ABCB9: variants seen among roughly 807,000 people sequenced by gnomAD.
ABCB9 encodes ABC-type oligopeptide transporter ABCB9.
A neutral mutation model predicts 62.0 loss-of-function variants in ABCB9; 36 were observed. The ratio of observed to expected loss-of-function variants is 0.58; its 90% confidence interval spans 0.45 to 0.77. The LOEUF is 0.77. Among genes scored for constraint, ABCB9 ranks in the 30% least tolerant of loss-of-function variants. ABCB9 has a pLI of 0.00. For missense variants in ABCB9, 943 were observed against 1,054.7 expected, an observed-to-expected ratio of 0.89 and a Z score of 1.47; for synonymous variants, 435 against 461.4, an observed-to-expected ratio of 0.94 and a Z score of 0.73.
chr12:122,929,159 T>A lies in ABCB9; in HGVS notation c.*752A>T. On this transcript the variant is annotated 3_prime_UTR_variant, in exon 12 of 12. Coordinates refer to ENST00000280560, the MANE Select transcript of ABCB9 (RefSeq NM_019625.4). This position sits in a 1 kb window ranked among gnomAD's most constrained non-coding sequence, Gnocchi z 6.0. ...CCAGACAGCAGAGCACAGGGGCGGG[T>A]GTGGGGAGGGAGGCTGCCAGCCAGG... 3 of 929,436 alleles carry A rather than the reference T, an allele frequency of 3.2e-6. No homozygotes were observed. The highest frequency in any genetic ancestry group is 3.8e-6 in the Non-Finnish European group (3 of 788,408). The allele number at this position is 929,436 out of a possible 1,614,324, so 57.6% of individuals were successfully genotyped here. A position where few individuals can be genotyped will look rare whatever the true frequency, so the allele number is the denominator to read the frequency against.
At chr12:122,938,522 A>C (rs1159200780) in intron 9 of ABCB9, among the ~76,000 whole-genome samples, 1 of 150,818 alleles carries the variant, frequency 6.6e-6, no homozygotes, top group Non-Finnish European at 1.5e-5. Context: ...ACAGAGGGAG[A>C]CCCTTTCTCA....
At chr12:122,927,406 G>A (rs1484567544), downstream of ABCB9, among the ~76,000 whole-genome samples, 1 of 152,094 alleles carries the variant, frequency 6.6e-6, no homozygotes, top group Non-Finnish European at 1.5e-5. Context: ...TCCTGACCTC[G>A]TGATCCACCC....
intron 9 of ABCB9, among the ~76,000 whole-genome samples, chr12:122,938,599 C>T (rs1566163679): frequency 2.0e-5 from 3 of 151,734 alleles, no homozygotes; most frequent in Admixed American, 1.3e-4. Flanking sequence ...GAGGCCGAGG[C>T]GGGTGGATCA....
At chr12:122,928,440 A>G (rs940224864), downstream of ABCB9, among the ~76,000 whole-genome samples, 1 of 151,246 alleles carries the variant, frequency 6.6e-6, no homozygotes, top group African/African-American at 2.4e-5. Context: ...CTGCACTCCA[A>G]TCTGGGTGAC....
chr12:122,931,807 C>T (rs2035183191), intron 11 of ABCB9: 1 of 226,014 alleles, frequency 4.4e-6, no homozygotes, highest in South Asian at 6.4e-5. Context: ...CCACACCTGG[C>T]TAGTTTTTGT....
chr12:122,924,714 C>G (rs553658828), downstream of ABCB9: 1 of 1,531,526 alleles, frequency 6.5e-7, no homozygotes, highest in African/African-American at 1.4e-5. Flanking sequence ...TTCATTCTCT[C>G]TCATCCCTGC....
At chr12:122,951,563 C>T (rs2036369648) in intron 2 of ABCB9, 1 of 152,174 alleles carries the variant, frequency 6.6e-6, no homozygotes. Context: ...GTCCAGGCCA[C>T]ATGGCAATCA....
intron 6 of ABCB9, among the ~76,000 whole-genome samples, chr12:122,945,715 C>A (rs906570995): frequency 6.6e-6 from 1 of 151,738 alleles, no homozygotes; most frequent in Non-Finnish European, 1.5e-5. Context: ...CCGTCTCTAC[C>A]AAAAATACAA....
downstream of ABCB9, chr12:122,924,681 A>T (rs929250440): frequency 2.0e-5 from 30 of 1,517,876 alleles, no homozygotes; most frequent in Non-Finnish European, 2.6e-5. Flanking sequence ...GGACTAAGCC[A>T]GCCCTGGGGT....
chr12:122,923,348 C>T (rs1329305200), intron 11 of ABCB9, among the ~76,000 whole-genome samples: 8 of 152,160 alleles, frequency 5.3e-5, no homozygotes, highest in Non-Finnish European at 8.8e-5. Flanking sequence ...AGTGCAGTGG[C>T]GCGACCTCCA....
rs531385086 is a variant in ABCB9 at position 122,940,562 on chromosome 12, G to A, written c.1569+245C>T. On this transcript the variant is annotated intron_variant, in intron 8 of 11. Transcript: ENST00000280560. This position sits in a 1 kb window ranked among gnomAD's most constrained non-coding sequence, Gnocchi z 4.8. ...CTCCTCCAAGAACCCCTTCTTGACT[G>A]TTACCACCATTCCCATGGACCATCC... Among the ~76,000 whole-genome samples the A allele has an allele frequency of 2.6e-5, 4 of 152,252 alleles. No individual in the cohort carries two copies. The South Asian group carries it at 8.3e-4, about 32-fold the overall frequency.
At chr12:122,935,125 A>T (rs1593988538) in intron 10 of ABCB9, 147 bp downstream of exon 10, 1 of 955,154 alleles carries the variant, frequency 1.0e-6, no homozygotes, top group East Asian at 2.9e-5. Flanking sequence ...TGAGCGCAGG[A>T]GGTTCGAGTC....
chr12:122,962,413 G>A (rs532573239), intron 1 of ABCB9, among the ~76,000 whole-genome samples: 3 of 152,300 alleles, frequency 2.0e-5, no homozygotes, highest in South Asian at 4.1e-4. Flanking sequence ...GATGACTGTC[G>A]TGGCTGGGAA....
chr12:122,937,822 A>G (rs1009476661), intron 9 of ABCB9, among the ~76,000 whole-genome samples: 3 of 152,194 alleles, frequency 2.0e-5, no homozygotes, highest in Non-Finnish European at 4.4e-5. Context: ...TGCTCCCTTA[A>G]TAGTTTATAT....
At chr12:122,943,815 G>A (rs1473050609) in intron 7 of ABCB9, among the ~76,000 whole-genome samples, 3 of 151,608 alleles carry the variant, frequency 2.0e-5, no homozygotes, top group Admixed American at 6.6e-5. Context: ...TCTCTCTGTC[G>A]TCCAGCCTGG....
chr12:122,927,141 G>A (rs2034928687), downstream of ABCB9, among the ~76,000 whole-genome samples: 1 of 151,920 alleles, frequency 6.6e-6, no homozygotes, highest in Non-Finnish European at 1.5e-5. Context: ...ATTGTTTTGT[G>A]ACTTTTCTGT....
At chr12:122,961,868 C>T (rs1203447204) in intron 1 of ABCB9, among the ~76,000 whole-genome samples, 1 of 152,190 alleles carries the variant, frequency 6.6e-6, no homozygotes, top group African/African-American at 2.4e-5. Flanking sequence ...TGCATAATTG[C>T]TGCTGATTGT....
At chr12:122,922,035 G>A (rs2034760407) in intron 11 of ABCB9, among the ~76,000 whole-genome samples, 1 of 152,058 alleles carries the variant, frequency 6.6e-6, no homozygotes, top group Admixed American at 6.6e-5. Flanking sequence ...AGGTGGAGAC[G>A]CCCGGCCGGC....
At position 122,944,565 on chromosome 12, in the gene ABCB9, C is replaced by T. The variant is rs200385530; in HGVS notation, c.1252-46G>A. ...ATGTGGGTCGAGGGGACCTTAGATC[C>T]CCCACCATCCCCATTCCCTGACCCA... On this transcript the variant is annotated intron_variant, in intron 6 of 11. Coordinates refer to ENST00000280560, the MANE Select transcript of ABCB9 (RefSeq NM_019625.4). This position sits in a 1 kb window ranked among gnomAD's most constrained non-coding sequence, Gnocchi z 4.9. The T allele has an allele frequency of 4.4e-6, 7 of 1,601,768 alleles. No homozygotes were observed. Among genetic ancestry groups the T allele is most frequent in the Non-Finnish European group, 5.1e-6 (6 of 1,173,022 alleles).
Sources: gnomAD v4.1 joint callset for allele counts (sites outside exome capture counted in the v4.1 genomes callset) on GRCh38, gnomAD v4.1.1 for gene constraint, Gnocchi (gnomAD v3.1) non-coding constraint, MANE v1.5 for transcripts, NCBI Gene and HGNC (gene_info 2026-07-23, HGNC 2026-07-21) for gene names.